The following CCDC63 variants were observed in gnomAD, a reference collection of about 807,000 sequenced individuals.
The protein encoded by CCDC63 is coiled-coil domain containing 63, also known as coiled-coil domain-containing protein 63.
A neutral mutation model predicts 63.6 loss-of-function variants in CCDC63; 54 were observed. The ratio of observed to expected loss-of-function variants is 0.85; its 90% CI spans 0.68 to 1.07. CCDC63 has a LOEUF of 1.07. Ranked by LOEUF, CCDC63 falls within the 50% of genes least tolerant of loss-of-function variation. The pLI is 0.00. For missense variants in CCDC63, 637 were observed against 689.6 expected, an observed-to-expected ratio of 0.92 and a Z score of 0.86; for synonymous variants, 253 against 266.1, an observed-to-expected ratio of 0.95 and a Z score of 0.48.
At chr12:110,868,334 G>A (rs1472641709) in intron 4 of CCDC63, among the ~76,000 whole-genome samples, 1 of 137,558 alleles carries the variant, frequency 7.3e-6, no homozygotes, top group Non-Finnish European at 1.6e-5. Context: ...CGGGGTGGCG[G>A]CTGGGCAGAG....
chr12:110,891,933 T>C (rs977531323), intron 8 of CCDC63, among the ~76,000 whole-genome samples: 1 of 152,126 alleles, frequency 6.6e-6, no homozygotes, highest in Non-Finnish European at 1.5e-5. Context: ...AGGCATGAGA[T>C]TGGTCGGTCG....
chr12:110,899,189 A>T, intron 10 of CCDC63, 64 bp downstream of exon 10: 1 of 1,444,622 alleles, frequency 6.9e-7, no homozygotes, highest in Non-Finnish European at 9.5e-7. Context: ...GTGACTGAGC[A>T]TAAGGCCTTG....
Position 110,853,431 on chromosome 12 carries a change from C to CGACACTCCCCAGGAACCT in CCDC63, c.37_54dup (p.Asp13_Pro18dup). 1 of 1,612,618 alleles carries CGACACTCCCCAGGAACCT rather than the reference C, an allele frequency of 6.2e-7. No individual in the cohort carries two copies. The highest frequency in any genetic ancestry group is 8.5e-7 in the Non-Finnish European group (1 of 1,179,730). The stretch of plus-strand genomic sequence containing the variant: ...TGAAGAAGAACAGGAGAAAAGACTC[C>CGACACTCCCCAGGAACCT]GACACTCCCCAGGAACCTTCGGAGA... On this transcript the variant is annotated inframe_insertion, in exon 3 of 12. Transcript: ENST00000308208.
chr12:110,879,781 A>G, intron 5 of CCDC63, 125 bp from the exon 6 acceptor site: 2 of 892,448 alleles, frequency 2.2e-6, no homozygotes, highest in Non-Finnish European at 3.5e-6. Context: ...TACTGCTCCA[A>G]CCACTCCTCC....
intron 8 of CCDC63, among the ~76,000 whole-genome samples, chr12:110,888,786 TTTCCTTCC>T (rs539750683): frequency 0.12 from 10,319 of 85,302 alleles, 703 homozygotes; most frequent in East Asian, 0.21. Context: ...TTGGTCCTTC[TTTCCTTCC>T]TTCCTTCCTT....
chr12:110,906,259 T>C (rs1235319577), intron 11 of CCDC63, among the ~76,000 whole-genome samples: 1 of 137,016 alleles, frequency 7.3e-6, no homozygotes, highest in Non-Finnish European at 1.5e-5. Flanking sequence ...TAATAAGAGA[T>C]ATAAGACATG....
At chr12:110,898,007 C>T (rs1039424192) in intron 9 of CCDC63, among the ~76,000 whole-genome samples, 10 of 151,952 alleles carry the variant, frequency 6.6e-5, no homozygotes, top group African/African-American at 1.2e-4. Context: ...ACTGGCTGAG[C>T]GAGGTGGCTC....
At chr12:110,883,036 ATTT>A (rs11350129) in intron 7 of CCDC63, among the ~76,000 whole-genome samples, 2 of 137,884 alleles carry the variant, frequency 1.5e-5, no homozygotes, top group Non-Finnish European at 1.6e-5. Flanking sequence ...CTAATTTTAA[ATTT>A]TTTTTTTTTT....
At chr12:110,874,172 C>T (rs1033346724) in intron 5 of CCDC63, among the ~76,000 whole-genome samples, 2 of 151,732 alleles carry the variant, frequency 1.3e-5, no homozygotes, top group Non-Finnish European at 2.9e-5. Context: ...TTACCCGAAT[C>T]CCCCAACCTA....
chr12:110,848,689 A>T (rs971252428), intron 1 of CCDC63, among the ~76,000 whole-genome samples: 4 of 152,196 alleles, frequency 2.6e-5, no homozygotes, highest in Non-Finnish European at 4.4e-5. Context: ...TAACCACTTT[A>T]CAGACATTAT....
At chr12:110,882,719 G>A (rs1170389817) in intron 7 of CCDC63, among the ~76,000 whole-genome samples, 1 of 152,100 alleles carries the variant, frequency 6.6e-6, no homozygotes, top group East Asian at 1.9e-4. Context: ...AAACTGCTGG[G>A]CATGGTGGCA....
intron 5 of CCDC63, among the ~76,000 whole-genome samples, chr12:110,876,800 G>C (rs2071136157): frequency 6.6e-6 from 1 of 151,656 alleles, no homozygotes; most frequent in Admixed American, 6.6e-5. Flanking sequence ...TTGGGAGGCT[G>C]AGGTGGGAGG....
chr12:110,847,784 G>A (rs2070658941), intron 1 of CCDC63, among the ~76,000 whole-genome samples: 2 of 152,208 alleles, frequency 1.3e-5, no homozygotes, highest in South Asian at 2.1e-4. Context: ...CCTGTCCCAA[G>A]GTCCCTAGGG....
At chr12:110,890,758 T>G (rs1226549371) in intron 8 of CCDC63, among the ~76,000 whole-genome samples, 1 of 150,752 alleles carries the variant, frequency 6.6e-6, no homozygotes, top group Non-Finnish European at 1.5e-5. Flanking sequence ...CATCTTCTAT[T>G]TTTTTCCTCC....
intron 4 of CCDC63, among the ~76,000 whole-genome samples, chr12:110,867,877 C>G (rs891394573): frequency 8.6e-3 from 946 of 110,358 alleles, no homozygotes; most frequent in South Asian, 9.8e-3. Flanking sequence ...CAGGTGGAGA[C>G]GCTCCTCACT....
chr12:110,875,861 G>A (rs2071123141), intron 5 of CCDC63, among the ~76,000 whole-genome samples: 1 of 152,158 alleles, frequency 6.6e-6, no homozygotes, highest in South Asian at 2.1e-4. Flanking sequence ...GGAGGCCAGG[G>A]TGTGTGGATC....
intron 8 of CCDC63, among the ~76,000 whole-genome samples, chr12:110,891,888 C>T (rs916995134): frequency 3.3e-5 from 5 of 152,132 alleles, no homozygotes; most frequent in African/African-American, 9.7e-5. Context: ...CCACCTTTGC[C>T]GACCTGTTCT....
At chr12:110,886,404 A>C (rs1228876701) in intron 8 of CCDC63, among the ~76,000 whole-genome samples, 1 of 151,996 alleles carries the variant, frequency 6.6e-6, no homozygotes, top group Admixed American at 6.6e-5. Flanking sequence ...CCAAAAAAAA[A>C]CCCACCCCAA....
At chr12:110,845,612 T>C (rs1354982215), upstream of CCDC63, 4 of 152,188 alleles carry the variant, frequency 2.6e-5, no homozygotes, top group Non-Finnish European at 5.9e-5. Context: ...CAGTAATTCG[T>C]TTGATCTGGA....
Sources: allele counts gnomAD v4.1 joint callset (sites outside exome capture counted in the v4.1 genomes callset), GRCh38; gene constraint gnomAD v4.1.1; transcripts MANE v1.5; gene names NCBI Gene and HGNC (gene_info 2026-07-23, HGNC 2026-07-21).